Variants in LRMDA observed in about 807,000 individuals in gnomAD.
LRMDA encodes leucine rich melanocyte differentiation associated.
In LRMDA, 18 loss-of-function variants were observed where a neutral mutation model predicts 29.8. That is an observed-to-expected ratio of 0.60 (90% CI 0.42 to 0.90). The LOEUF is 0.90. Among genes scored for constraint, LRMDA ranks in the 40% least tolerant of loss-of-function variants. The pLI is 0.00. For synonymous variants in LRMDA, 125 were observed against 109.4 expected (o/e 1.14, Z -0.89); for missense variants, 273 against 273.9 (o/e 1.00, Z 0.02).
chr10:76,105,462 G>A (rs577097718), intron 5 of LRMDA, among the ~76,000 whole-genome samples: 35 of 152,232 alleles, frequency 2.3e-4, no homozygotes, highest in Admixed American at 2.2e-3. Flanking sequence ...AAGTTAAGAA[G>A]TCCAAAATGA....
intron 5 of LRMDA, among the ~76,000 whole-genome samples, chr10:76,125,670 G>A (rs1008879674): frequency 3.9e-5 from 6 of 152,134 alleles, no homozygotes; most frequent in South Asian, 4.1e-4. Flanking sequence ...GGAGGAGGGC[G>A]TGATGGCTGG....
chr10:75,658,029 T>C (rs578187829), intron 2 of LRMDA, among the ~76,000 whole-genome samples: 1 of 152,258 alleles, frequency 6.6e-6, no homozygotes, highest in South Asian at 2.1e-4. Flanking sequence ...CCCTTCTCTC[T>C]GGCTTCACAG....
intron 6 of LRMDA, among the ~76,000 whole-genome samples, chr10:76,481,872 T>C (rs1296366262): frequency 6.6e-6 from 1 of 151,960 alleles, no homozygotes; most frequent in African/African-American, 2.4e-5. Flanking sequence ...ATTCATTTCA[T>C]GACCCCAAAC....
rs372192307 is a variant in LRMDA, at chr10:75,752,034, A to AATAT, written c.132-283960_132-283957dup. 5.3e-3 allele frequency among the ~76,000 whole-genome samples: 783 copies of AATAT among 148,728 alleles called. 10 individuals are homozygous for AATAT. Among genetic ancestry groups the AATAT allele is most frequent in the African/African-American group, 0.019 (753 of 40,662 alleles). Reference sequence around the variant, plus strand: ...ATATCTTCCTACTGTAAAATAAATAAATATATATATATATATAAACAAAGA... The same window carrying AATAT: ...ATATCTTCCTACTGTAAAATAAATAAATATATATATATATATATATAAACAAAGA... On this transcript the variant is annotated intron_variant, in intron 2 of 6. Coordinates refer to ENST00000611255, the MANE Select transcript of LRMDA (RefSeq NM_001305581.2).
chr10:75,718,082 C>A (rs1463732401), intron 2 of LRMDA, among the ~76,000 whole-genome samples: 1 of 152,156 alleles, frequency 6.6e-6, no homozygotes, highest in Non-Finnish European at 1.5e-5. Context: ...ACTGATTTTT[C>A]TGAAGGTGCT....
At chr10:75,994,496 A>G (rs1249602634) in intron 2 of LRMDA, among the ~76,000 whole-genome samples, 2 of 152,222 alleles carry the variant, frequency 1.3e-5, no homozygotes, top group African/African-American at 4.8e-5. Context: ...AGCACAGTGT[A>G]GGCTACAGTC....
chr10:76,143,356 G>C (rs1336799353), intron 5 of LRMDA, among the ~76,000 whole-genome samples: 1 of 152,112 alleles, frequency 6.6e-6, no homozygotes. Context: ...AGCACCTGTT[G>C]TTTCCTGACT....
intron 6 of LRMDA, among the ~76,000 whole-genome samples, chr10:76,329,173 C>G (rs1256506190): frequency 6.6e-6 from 1 of 152,202 alleles, no homozygotes; most frequent in African/African-American, 2.4e-5. Context: ...CAACTCTAAC[C>G]TAGGCTGATT....
chr10:76,228,869 A>G (rs1852009108), intron 5 of LRMDA, among the ~76,000 whole-genome samples: 1 of 152,158 alleles, frequency 6.6e-6, no homozygotes. Context: ...AAAGCACTTG[A>G]GTTTTGGGCA....
chr10:75,669,129 A>T (rs1394462152), intron 2 of LRMDA, among the ~76,000 whole-genome samples: 3 of 152,128 alleles, frequency 2.0e-5, no homozygotes, highest in Admixed American at 1.3e-4. Context: ...TGTATTTGGG[A>T]TCCCCACAAA....
At chr10:76,520,536 G>C (rs1356498446) in intron 6 of LRMDA, among the ~76,000 whole-genome samples, 1 of 151,984 alleles carries the variant, frequency 6.6e-6, no homozygotes, top group Non-Finnish European at 1.5e-5. Context: ...TTTTAATAGT[G>C]TTTGACCCAT....
At chr10:75,590,726 C>CTTTTTTTTTTTTTTTTTTTTTTTT (rs67966004) in intron 2 of LRMDA, among the ~76,000 whole-genome samples, 1 of 71,344 alleles carries the variant, frequency 1.4e-5, no homozygotes, top group Non-Finnish European at 2.5e-5. Context: ...ATAAAATAGT[C>CTTTTTTTTTTTTTTTTTTTTTTTT]TTTTTTTTTT....
At position 75,617,296 on chromosome 10, in the gene LRMDA, G is replaced by T. The variant is rs192071460; in HGVS notation, c.131+178802G>T. Among the ~76,000 whole-genome samples, 233 of 152,240 alleles carry T rather than the reference G, an allele frequency of 1.5e-3. 1 individual carries two copies. The highest frequency in any genetic ancestry group is 5.3e-3 in the African/African-American group (218 of 41,520). On this transcript the variant is annotated intron_variant, in intron 2 of 6. Transcript: ENST00000611255. ...AGGGCACATAGGGACGGCTGCCAAGGTTTCCCATTTACAACCTCTAAGTGG... is the reference window on the plus strand; with the variant it reads ...AGGGCACATAGGGACGGCTGCCAAGTTTTCCCATTTACAACCTCTAAGTGG...
chr10:76,214,394 G>T (rs887944992), intron 5 of LRMDA, among the ~76,000 whole-genome samples: 4 of 134,994 alleles, frequency 3.0e-5, no homozygotes, highest in Non-Finnish European at 1.5e-5. Flanking sequence ...GCCGGACTGC[G>T]TCCGCAGTGG....
rs1850888013 is a variant in LRMDA at position 76,174,034 on chromosome 10, G to C, written c.516+115251G>C. ...CAAACAAAACCACAGATCTAAGATG[G>C]CTTCACTGATGAATTCTAAGAAAGA... is the stretch of plus-strand genomic sequence containing the variant. On this transcript the variant is annotated intron_variant, in intron 5 of 6. Transcript: ENST00000611255. Among the ~76,000 whole-genome samples the C allele has an allele frequency of 1.3e-5, 2 of 152,252 alleles. 1 individual carries two copies. The highest frequency in any genetic ancestry group is 1.3e-4 in the Admixed American group (2 of 15,300).
intron 6 of LRMDA, among the ~76,000 whole-genome samples, chr10:76,533,062 G>A (rs140880060): frequency 2.0e-5 from 3 of 152,188 alleles, no homozygotes; most frequent in East Asian, 3.9e-4. Flanking sequence ...CAAAGAAGAT[G>A]CAGCCTTTGA....
chr10:76,066,635 A>G lies in LRMDA; in HGVS notation c.516+7852A>G, dbSNP rs189160457. 8.2e-4 allele frequency among the ~76,000 whole-genome samples: 125 copies of G among 152,358 alleles called. 2 individuals carry two copies. Among genetic ancestry groups the G allele is most frequent in the Middle Eastern group, 3.4e-3 (1 of 294 alleles). ...TGATGGAAGGCAGGGGTGAAAGAGC[A>G]GGAAGATCAGGAGATAGAAGGCAGC... On this transcript the variant is annotated intron_variant, in intron 5 of 6. Transcript: ENST00000611255.
At chr10:75,674,381 A>G (rs1479425764) in intron 2 of LRMDA, among the ~76,000 whole-genome samples, 14 of 152,140 alleles carry the variant, frequency 9.2e-5, no homozygotes, top group Admixed American at 9.2e-4. Flanking sequence ...GATAAGGTAG[A>G]AAGAGCATGT....
intron 6 of LRMDA, among the ~76,000 whole-genome samples, chr10:76,551,617 A>G (rs1273115043): frequency 6.6e-6 from 1 of 152,176 alleles, no homozygotes; most frequent in African/African-American, 2.4e-5. Flanking sequence ...TTTTTGATTT[A>G]CAATAATTTC....
Sources: allele counts gnomAD v4.1 joint callset (sites outside exome capture counted in the v4.1 genomes callset), GRCh38; gene constraint gnomAD v4.1.1; transcripts MANE v1.5; gene names NCBI Gene and HGNC (gene_info 2026-07-23, HGNC 2026-07-21).